Variants in PIEZO2 observed in about 807,000 individuals in gnomAD.
PIEZO2 encodes piezo type mechanosensitive ion channel component 2, also known as piezo-type mechanosensitive ion channel component 2.
Under a neutral mutation model 337.3 loss-of-function variants are expected in PIEZO2, and 172 were observed. The ratio of observed to expected loss-of-function variants is 0.51; its 90% CI spans 0.45 to 0.58. The LOEUF (loss-of-function observed/expected upper bound fraction) is 0.58, where lower values mean the gene tolerates loss of function less well. Among genes scored for constraint, PIEZO2 ranks in the 20% least tolerant of loss-of-function variants. PIEZO2 has a pLI of 0.00. For missense variants in PIEZO2, 3,028 were observed against 3,391.3 expected (o/e 0.89, Z 2.66); for synonymous variants, 1,251 against 1,228.5 (o/e 1.02, Z -0.38).
At chr18:11,123,537 G>A (rs1054697670) in intron 1 of PIEZO2, among the ~76,000 whole-genome samples, 5 of 152,184 alleles carry the variant, frequency 3.3e-5, no homozygotes, top group African/African-American at 4.8e-5. Flanking sequence ...GGACGGGCAC[G>A]GTGGCTCATG....
At position 10,885,664 on chromosome 18, in the gene PIEZO2, T is replaced by C. The variant is rs538992413; in HGVS notation, c.330-14249A>G. Among the ~76,000 whole-genome samples, 6 of 152,310 alleles carry C rather than the reference T, an allele frequency of 3.9e-5. No homozygotes were observed. In the East Asian group the frequency reaches 1.2e-3, roughly 29 times the overall value. On this transcript the variant is annotated intron_variant, in intron 4 of 55. Transcript: ENST00000674853. The stretch of plus-strand genomic sequence containing the variant: ...TCATTGGGAACCTTGACTGTTTTCC[T>C]AAGTGTTTGGAGAGGTATTGGGGAA...
chr18:10,964,547 CTT>C (rs1370158946), intron 3 of PIEZO2, among the ~76,000 whole-genome samples: 3 of 152,188 alleles, frequency 2.0e-5, no homozygotes, highest in South Asian at 2.1e-4. Flanking sequence ...GCTAATGAGA[CTT>C]TAGTGAATAC....
rs1409728072 is a variant in PIEZO2, at chr18:10,696,286, T to C, written c.6978A>G (p.Lys2326=). ...IIVFGFWAFG[K]HSAAADITSS... ...AGGTGATGTCTGCAGCTGCTGAGTG[T>C]TTCTGGGGAAGAGACAACAAATTCA... Residue 2326 remains lysine, a splice_region_variant and synonymous_variant, in exon 47 of 56, where the codon AAA becomes AAG. Coordinates refer to ENST00000674853, the MANE Select transcript of PIEZO2 (RefSeq NM_001378183.1). The C allele has an allele frequency of 3.1e-6, 5 of 1,614,160 alleles. No homozygotes were observed. Among genetic ancestry groups the C allele is most frequent in the Non-Finnish European group, 4.2e-6 (5 of 1,180,018 alleles).
chr18:11,135,810 T>C (rs1040165664), intron 1 of PIEZO2, among the ~76,000 whole-genome samples: 1 of 152,196 alleles, frequency 6.6e-6, no homozygotes, highest in African/African-American at 2.4e-5. Flanking sequence ...CCTGCAAAGG[T>C]ATTTTAAAAA....
chr18:10,699,046 C>T lies in PIEZO2; in HGVS notation c.6573G>A (p.Ala2191=), dbSNP rs541783786. The change falls in exon 44 of 56, where the codon GCG becomes GCA. Residue 2191 remains alanine (A), a synonymous_variant. Transcript: ENST00000674853. ...SDSLKSINLA[A]SVESVHVTFP... ...AGGTCACATGCACTGACTCCACAGACGCGGCCAGGTTGATGGACTTGAGAG... is the reference window on the plus strand; with the variant it reads ...AGGTCACATGCACTGACTCCACAGATGCGGCCAGGTTGATGGACTTGAGAG... 66 of 1,537,192 alleles carry T rather than the reference C, an allele frequency of 4.3e-5. 1 individual carries two copies. In the South Asian group the frequency reaches 5.4e-4, roughly 12 times the overall value.
intron 1 of PIEZO2, among the ~76,000 whole-genome samples, chr18:11,086,381 G>A (rs185342732): frequency 1.3e-5 from 2 of 151,844 alleles, no homozygotes; most frequent in East Asian, 1.9e-4. Context: ...TTAGCCGGGC[G>A]TGGTGCGGGC....
chr18:10,825,765 A>C (rs958509928), intron 7 of PIEZO2, among the ~76,000 whole-genome samples: 1 of 151,592 alleles, frequency 6.6e-6, no homozygotes, highest in Non-Finnish European at 1.5e-5. Context: ...TGGCCAGGCT[A>C]GTCTCGAACT....
rs993445374 is a variant in PIEZO2 at position 10,969,777 on chromosome 18, G to T, written c.286+9758C>A. On this transcript the variant is annotated intron_variant, in intron 3 of 55. Coordinates refer to ENST00000674853, the MANE Select transcript of PIEZO2 (RefSeq NM_001378183.1). The surrounding 1 kb of genome is among the most constrained non-coding windows in gnomAD (Gnocchi z 4.5). Reference sequence around the variant, plus strand: ...GGGACAGAGCTCCTGGCCAAGAGAGGGCATGGGTGCACTTAGCCGCTCTCC... The same window carrying T: ...GGGACAGAGCTCCTGGCCAAGAGAGTGCATGGGTGCACTTAGCCGCTCTCC... Among the ~76,000 whole-genome samples the T allele has an allele frequency of 3.3e-5, 5 of 151,788 alleles. No homozygotes were observed. Among genetic ancestry groups the T allele is most frequent in the Non-Finnish European group, 1.5e-5 (1 of 67,972 alleles).
Position 10,824,614 on chromosome 18 carries a change from C to A in PIEZO2, c.918-17340G>T, listed in dbSNP as rs2040615198. 6.6e-6 allele frequency among the ~76,000 whole-genome samples: 1 copy of A among 152,100 alleles called. No individual in the cohort carries two copies. The highest frequency in any genetic ancestry group is 1.9e-4 in the East Asian group (1 of 5,172). Reference sequence around the variant, plus strand: ...TAAAAAAATCCATCTATCTATATATCCATATCTATATTTGATATGAAACAA... The same window carrying A: ...TAAAAAAATCCATCTATCTATATATACATATCTATATTTGATATGAAACAA... On this transcript the variant is annotated intron_variant, in intron 7 of 55. Transcript: ENST00000674853. The surrounding 1 kb of genome is among the most constrained non-coding windows in gnomAD (Gnocchi z 4.4).
chr18:10,726,747 T>C lies in PIEZO2; in HGVS notation c.5029+4660A>G. 6.8e-7 allele frequency: 1 copy of C among 1,475,554 alleles called. No homozygotes were observed. The highest frequency in any genetic ancestry group is 9.5e-7 in the Non-Finnish European group (1 of 1,057,520). The allele number at this position is 1,475,554 out of a possible 1,614,324, so 91.4% of individuals were successfully genotyped here. ...TTCTGGGACATCGCCAGACCATCGA[T>C]TTCCCGCTGCTGACCTCACTGGGCA... On this transcript the variant is annotated intron_variant, in intron 36 of 55. Coordinates refer to ENST00000674853, the MANE Select transcript of PIEZO2 (RefSeq NM_001378183.1). This position sits in a 1 kb window ranked among gnomAD's most constrained non-coding sequence, Gnocchi z 5.9.
intron 2 of PIEZO2, among the ~76,000 whole-genome samples, chr18:11,043,610 A>G (rs537650845): frequency 6.6e-6 from 1 of 152,302 alleles, no homozygotes; most frequent in South Asian, 2.1e-4. Context: ...AACTGAGAGT[A>G]AGAAAAGAAT....
chr18:11,076,918 C>T (rs1840869246), intron 1 of PIEZO2, among the ~76,000 whole-genome samples: 1 of 152,146 alleles, frequency 6.6e-6, no homozygotes, highest in Non-Finnish European at 1.5e-5. Context: ...TACAAGTGCA[C>T]CCATACAAAG....
intron 4 of PIEZO2, among the ~76,000 whole-genome samples, chr18:10,884,087 A>T (rs1323055438): frequency 6.6e-6 from 1 of 152,150 alleles, no homozygotes; most frequent in African/African-American, 2.4e-5. Context: ...CTGGGATTAC[A>T]GGCGTAAGCC....
At chr18:11,142,738 G>A (rs1418803651) in intron 1 of PIEZO2, among the ~76,000 whole-genome samples, 1 of 141,016 alleles carries the variant, frequency 7.1e-6, no homozygotes, top group Non-Finnish European at 1.5e-5. Flanking sequence ...CCGAGATCGT[G>A]CCACTGCACT....
intron 2 of PIEZO2, among the ~76,000 whole-genome samples, chr18:11,022,859 C>T (rs967958034): frequency 2.6e-5 from 4 of 152,060 alleles, no homozygotes; most frequent in African/African-American, 7.2e-5. Context: ...TTCTTAAAGG[C>T]GGTGTGTCCG....
At chr18:10,839,839 T>A (rs1387422276) in intron 7 of PIEZO2, among the ~76,000 whole-genome samples, 1 of 152,184 alleles carries the variant, frequency 6.6e-6, no homozygotes, top group Non-Finnish European at 1.5e-5. Flanking sequence ...AGGTGTGCTG[T>A]AACGGGGAAA....
In PIEZO2 at chr18:11,070,190, A is replaced by T. The variant is rs533540364; in HGVS notation, c.65-3968T>A. Among the ~76,000 whole-genome samples, 1 of 152,244 alleles carries T rather than the reference A, an allele frequency of 6.6e-6. No individual in the cohort carries two copies. Among genetic ancestry groups the T allele is most frequent in the African/African-American group, 2.4e-5 (1 of 41,462 alleles). ...CTCCTAGGCCAAAAACCTATGCAGC[A>T]TATGTTACTGTGCTGAATACTATAG... On this transcript the variant is annotated intron_variant, in intron 1 of 55. Coordinates refer to ENST00000674853, the MANE Select transcript of PIEZO2 (RefSeq NM_001378183.1). This position sits in a 1 kb window ranked among gnomAD's most constrained non-coding sequence, Gnocchi z 4.3.
At position 10,731,392 on chromosome 18, in the gene PIEZO2, C is replaced by T. The variant is rs78691268; in HGVS notation, c.5029+15G>A. ...ACCTGCCACACCCACCACAGCCACC[C>T]CACCCACCACTCACCCTCCTTGGAT... On this transcript the variant is annotated intron_variant, in intron 36 of 55. Transcript: ENST00000674853. The T allele has an allele frequency of 7.2e-6, 11 of 1,518,666 alleles. No homozygotes were observed. In the African/African-American group the frequency reaches 8.3e-5, roughly 11 times the overall value. 94.1% of individuals were successfully genotyped at this position (1,518,666 alleles called of 1,614,324 possible).
chr18:11,134,962 G>T (rs2146255528), intron 1 of PIEZO2, among the ~76,000 whole-genome samples: 1 of 151,444 alleles, frequency 6.6e-6, no homozygotes, highest in South Asian at 2.1e-4. Context: ...GATAAGCTCT[G>T]AACCCTCTAA....
Sources: gnomAD v4.1 joint callset for allele counts (sites outside exome capture counted in the v4.1 genomes callset) on GRCh38, gnomAD v4.1.1 for gene constraint, Gnocchi (gnomAD v3.1) non-coding constraint, MANE v1.5 for transcripts, NCBI Gene and HGNC (gene_info 2026-07-23, HGNC 2026-07-21) for gene names.